Variants in ACAP2 observed in about 807,000 individuals in gnomAD.
ACAP2 encodes ArfGAP with coiled-coil, ankyrin repeat and PH domains 2, also known as arf-GAP with coiled-coil, ANK repeat and PH domain-containing protein 2.
ACAP2 carries 39 observed loss-of-function variants against 115.8 expected under a neutral mutation model. The ratio of observed to expected loss-of-function variants is 0.34; its 90% CI spans 0.26 to 0.44. The LOEUF (loss-of-function observed/expected upper bound fraction) is 0.44. Among genes scored for constraint, ACAP2 ranks in the 20% least tolerant of loss-of-function variants. The probability of loss-of-function intolerance (pLI) is 1.00; values close to 1 mark genes in which losing one functional copy is unlikely to be tolerated. For synonymous variants in ACAP2, 289 were observed against 315.8 expected (o/e 0.92, Z 0.90); for missense variants, 662 against 927.6 (o/e 0.71, Z 3.72).
intron 1 of ACAP2, among the ~76,000 whole-genome samples, chr3:195,393,509 T>C (rs1711513454): frequency 6.6e-6 from 1 of 152,232 alleles, no homozygotes; most frequent in African/African-American, 2.4e-5. Context: ...CTCTAGCATA[T>C]GACTGGAGAA....
chr3:195,324,981 G>A (rs939816523), intron 9 of ACAP2, among the ~76,000 whole-genome samples: 4 of 152,102 alleles, frequency 2.6e-5, no homozygotes, highest in African/African-American at 7.2e-5. Context: ...ATTAACAGAC[G>A]TTTTACAAAT....
In ACAP2 at chr3:195,394,777, T is replaced by C. The variant is rs963872500; in HGVS notation, c.54-2630A>G. On this transcript the variant is annotated intron_variant, in intron 1 of 22. Transcript: ENST00000326793. The stretch of plus-strand genomic sequence containing the variant: ...CTAGGCACATAGTGTGTGGCTGTAA[T>C]CCCAGCTACTGTGGATTCTGAGGCA... 1.4e-4 allele frequency among the ~76,000 whole-genome samples: 21 copies of C among 152,320 alleles called. 1 individual carries two copies. The highest frequency in any genetic ancestry group is 1.4e-3 in the Admixed American group (21 of 15,300).
chr3:195,331,566 G>C (rs1195904028), intron 8 of ACAP2, among the ~76,000 whole-genome samples: 1 of 151,916 alleles, frequency 6.6e-6, no homozygotes, highest in East Asian at 1.9e-4. Context: ...GCATGCCTCA[G>C]CCTCCCAAAG....
At chr3:195,358,415 A>T (rs1026675202) in intron 4 of ACAP2, among the ~76,000 whole-genome samples, 2 of 152,178 alleles carry the variant, frequency 1.3e-5, no homozygotes, top group Non-Finnish European at 1.5e-5. Flanking sequence ...AATCGGAGCA[A>T]TGGAGATATG....
chr3:195,436,186 G>A (rs1715532725), intron 1 of ACAP2, among the ~76,000 whole-genome samples: 1 of 150,844 alleles, frequency 6.6e-6, no homozygotes, highest in Non-Finnish European at 1.5e-5. Context: ...GAGTGCAGTG[G>A]CACGATCTCA....
intron 1 of ACAP2, among the ~76,000 whole-genome samples, chr3:195,428,860 T>C (rs1714891091): frequency 6.6e-6 from 1 of 152,168 alleles, no homozygotes; most frequent in South Asian, 2.1e-4. Context: ...TACAATCGCT[T>C]TGGAATAATG....
chr3:195,313,512 TC>T (rs1321923955), intron 10 of ACAP2, among the ~76,000 whole-genome samples: 1 of 152,220 alleles, frequency 6.6e-6, no homozygotes, highest in African/African-American at 2.4e-5. Flanking sequence ...CAATTGCCCA[TC>T]CCGTTTTCAT....
chr3:195,427,432 T>C (rs1271079435), intron 1 of ACAP2, among the ~76,000 whole-genome samples: 1 of 152,010 alleles, frequency 6.6e-6, no homozygotes, highest in African/African-American at 2.4e-5. Context: ...TTCTCGGAGG[T>C]GCACTGTTAG....
chr3:195,315,650 C>T (rs1252514675), intron 10 of ACAP2, among the ~76,000 whole-genome samples: 2 of 152,134 alleles, frequency 1.3e-5, no homozygotes, highest in African/African-American at 4.8e-5. Context: ...TCTGAAGCTC[C>T]ATTTCTTTAC....
At chr3:195,432,455 G>A (rs189325043) in intron 1 of ACAP2, among the ~76,000 whole-genome samples, 8 of 152,248 alleles carry the variant, frequency 5.3e-5, no homozygotes, top group African/African-American at 1.7e-4. Flanking sequence ...ATTCTTTCAC[G>A]CATTGAATTG....
chr3:195,389,961 C>T (rs374003891), intron 2 of ACAP2, among the ~76,000 whole-genome samples: 1 of 152,140 alleles, frequency 6.6e-6, no homozygotes, highest in South Asian at 2.1e-4. Flanking sequence ...TTTGGGAGGC[C>T]GAGGCGGGCG....
intron 4 of ACAP2, among the ~76,000 whole-genome samples, chr3:195,369,339 T>C (rs556750280): frequency 2.6e-5 from 4 of 152,294 alleles, no homozygotes; most frequent in Admixed American, 1.3e-4. Context: ...ATCATGGGGG[T>C]TTGATGTACA....
intron 21 of ACAP2, among the ~76,000 whole-genome samples, chr3:195,287,514 C>T (rs1726923103): frequency 6.6e-6 from 1 of 151,994 alleles, no homozygotes; most frequent in Non-Finnish European, 1.5e-5. Context: ...GACAGGGCCT[C>T]GCTATGTTGC....
chr3:195,356,225 C>T (rs999653382), intron 4 of ACAP2: 6 of 456,052 alleles, frequency 1.3e-5, no homozygotes, highest in African/African-American at 8.0e-5. Flanking sequence ...GACTACAAGC[C>T]GGAACGCAGT....
chr3:195,346,166 T>A, intron 4 of ACAP2, among the ~76,000 whole-genome samples: 1 of 152,192 alleles, frequency 6.6e-6, no homozygotes, highest in East Asian at 1.9e-4. Context: ...TCAAAATCTG[T>A]CAATTTACTT....
rs752290502 is a variant in ACAP2 at position 195,277,043 on chromosome 3, G to A, written c.*2285C>T. The A allele has an allele frequency of 6.6e-6, 1 of 152,132 alleles. No individual in the cohort carries two copies. The highest frequency in any genetic ancestry group is 1.5e-5 in the Non-Finnish European group (1 of 68,032). The allele number at this position is 152,132 out of a possible 1,614,324, so 9.4% of individuals were successfully genotyped here. A position where few individuals can be genotyped will look rare whatever the true frequency, so the allele number is the denominator to read the frequency against. On this transcript the variant is annotated 3_prime_UTR_variant, in exon 23 of 23. Transcript: ENST00000326793. ...TACTGCCATATTAACAATTCATCAC[G>A]TAAGCCACAGGAGGCAAGAGTCTCA...
At chr3:195,289,891 T>C (rs559715727) in intron 20 of ACAP2, among the ~76,000 whole-genome samples, 3 of 152,114 alleles carry the variant, frequency 2.0e-5, no homozygotes, top group South Asian at 4.1e-4. Context: ...AGGTCATTAT[T>C]TGAAAATGAA....
intron 8 of ACAP2, among the ~76,000 whole-genome samples, chr3:195,329,294 T>C (rs1730018777): frequency 6.6e-6 from 1 of 152,168 alleles, no homozygotes; most frequent in South Asian, 2.1e-4. Flanking sequence ...GGAAGATAAC[T>C]TGGAGCAGAG....
intron 18 of ACAP2, among the ~76,000 whole-genome samples, chr3:195,294,485 G>GGA (rs1163739450): frequency 1.3e-5 from 2 of 151,060 alleles, no homozygotes; most frequent in Non-Finnish European, 2.9e-5. Context: ...GGCTGAGGCA[G>GGA]GAGAATCACT....
Sources: allele counts gnomAD v4.1 joint callset (sites outside exome capture counted in the v4.1 genomes callset), GRCh38; gene constraint gnomAD v4.1.1; transcripts MANE v1.5; gene names NCBI Gene and HGNC (gene_info 2026-07-23, HGNC 2026-07-21).